UBE2E2: variants seen among roughly 807,000 people sequenced by gnomAD.
UBE2E2 encodes ubiquitin conjugating enzyme E2 E2, also known as ubiquitin-conjugating enzyme E2 E2.
UBE2E2 carries 6 observed loss-of-function variants against 24.7 expected under a neutral mutation model. The ratio of observed to expected loss-of-function variants is 0.24; its 90% CI spans 0.13 to 0.48. UBE2E2 has a LOEUF of 0.48. UBE2E2 is among the 20% of genes least tolerant of loss of function. The probability of loss-of-function intolerance (pLI) is 0.99; values close to 1 mark genes in which losing one functional copy is unlikely to be tolerated. For synonymous variants in UBE2E2, 104 were observed against 83.6 expected, an observed-to-expected ratio of 1.24 and a Z score of -1.33; for missense variants, 169 against 245.0, an observed-to-expected ratio of 0.69 and a Z score of 2.07.
At chr3:23,354,243 G>A (rs1695861699) in intron 3 of UBE2E2, among the ~76,000 whole-genome samples, 1 of 151,866 alleles carries the variant, frequency 6.6e-6, no homozygotes, top group Admixed American at 6.6e-5. Context: ...AATTCAAGAT[G>A]GATTAAAGAC....
chr3:23,259,216 C>T (rs1228930417), intron 3 of UBE2E2, among the ~76,000 whole-genome samples: 1 of 152,114 alleles, frequency 6.6e-6, no homozygotes, highest in Non-Finnish European at 1.5e-5. Context: ...TGTCTACTTC[C>T]TTGTATATGT....
At chr3:23,575,034 A>T (rs1696317572) in intron 5 of UBE2E2, among the ~76,000 whole-genome samples, 1 of 152,308 alleles carries the variant, frequency 6.6e-6, no homozygotes, top group South Asian at 2.1e-4. Flanking sequence ...CTCAGCCTGT[A>T]TTAGCACTTG....
intron 3 of UBE2E2, among the ~76,000 whole-genome samples, chr3:23,483,889 AT>A (rs1166482898): frequency 6.6e-6 from 1 of 152,166 alleles, no homozygotes; most frequent in African/African-American, 2.4e-5. Flanking sequence ...TTCAAAGAGT[AT>A]TTAAAGAAAT....
chr3:23,456,214 G>A (rs59687869), intron 3 of UBE2E2, among the ~76,000 whole-genome samples: 20,700 of 152,126 alleles, frequency 0.14, 1,622 homozygotes, highest in South Asian at 0.24. Flanking sequence ...TAGTTCTCTT[G>A]CTATTTCTAC....
intron 3 of UBE2E2, among the ~76,000 whole-genome samples, chr3:23,362,505 C>G (rs1259211271): frequency 6.6e-6 from 1 of 152,184 alleles, no homozygotes; most frequent in Non-Finnish European, 1.5e-5. Context: ...CCCTCCATCC[C>G]TGCTGGATGA....
chr3:23,523,034 G>T (rs1485663854), intron 4 of UBE2E2, among the ~76,000 whole-genome samples: 1 of 151,782 alleles, frequency 6.6e-6, no homozygotes, highest in Non-Finnish European at 1.5e-5. Flanking sequence ...CAAAATAATT[G>T]TGTAAAGATA....
At chr3:23,377,966 A>AT (rs1696564271) in intron 3 of UBE2E2, among the ~76,000 whole-genome samples, 1 of 152,120 alleles carries the variant, frequency 6.6e-6, no homozygotes, top group Non-Finnish European at 1.5e-5. Context: ...CTCTATAGGT[A>AT]ATGTTCTTAT....
chr3:23,204,821 G>T, intron 1 of UBE2E2: 1 of 894,762 alleles, frequency 1.1e-6, no homozygotes, highest in Non-Finnish European at 1.3e-6. Context: ...TTAGAAACAT[G>T]AGTAGGAAGA....
chr3:23,247,247 TA>T (rs2125342594), intron 3 of UBE2E2, among the ~76,000 whole-genome samples: 1 of 152,328 alleles, frequency 6.6e-6, no homozygotes, highest in African/African-American at 2.4e-5. Context: ...AATATTAATG[TA>T]AAACTAGGTT....
intron 3 of UBE2E2, among the ~76,000 whole-genome samples, chr3:23,423,614 T>C (rs1470451930): frequency 6.6e-6 from 1 of 152,164 alleles, no homozygotes; most frequent in African/African-American, 2.4e-5. Context: ...ACTAATGCCA[T>C]AATCTATATA....
chr3:23,315,914 A>C (rs1694563704), intron 3 of UBE2E2, among the ~76,000 whole-genome samples: 2 of 151,738 alleles, frequency 1.3e-5, no homozygotes, highest in African/African-American at 4.8e-5. Flanking sequence ...GATCTGGAGG[A>C]ATTCTCTGGA....
chr3:23,263,062 A>G (rs1408847075), intron 3 of UBE2E2, among the ~76,000 whole-genome samples: 1 of 152,178 alleles, frequency 6.6e-6, no homozygotes, highest in Non-Finnish European at 1.5e-5. Context: ...CAAGAGATGG[A>G]GAGAAGGAAC....
intron 3 of UBE2E2, among the ~76,000 whole-genome samples, chr3:23,311,781 T>C (rs1224639951): frequency 6.6e-6 from 1 of 152,204 alleles, no homozygotes; most frequent in African/African-American, 2.4e-5. Context: ...TATATATTTA[T>C]GGGATACAGG....
chr3:23,232,047 G>T (rs1024022853), intron 3 of UBE2E2, among the ~76,000 whole-genome samples: 2 of 152,150 alleles, frequency 1.3e-5, no homozygotes, highest in Non-Finnish European at 1.5e-5. Flanking sequence ...TATTACTTAG[G>T]CATGATTGAT....
intron 3 of UBE2E2, among the ~76,000 whole-genome samples, chr3:23,419,697 CA>C (rs1697747123): frequency 6.6e-6 from 1 of 152,174 alleles, no homozygotes; most frequent in African/African-American, 2.4e-5. Context: ...TCCTTTCCCT[CA>C]AAATTATGGC....
intron 5 of UBE2E2, among the ~76,000 whole-genome samples, chr3:23,581,081 T>G (rs929810184): frequency 6.6e-5 from 10 of 152,130 alleles, no homozygotes; most frequent in Non-Finnish European, 1.5e-4. Context: ...TTTTATTTAT[T>G]TATTTTTGAG....
Position 23,214,178 on chromosome 3 carries a change from T to G in UBE2E2, c.177-3084T>G, listed in dbSNP as rs137908151. Among the ~76,000 whole-genome samples the G allele has an allele frequency of 7.8e-3, 1,188 of 152,296 alleles. 8 individuals are homozygous for G. The highest frequency in any genetic ancestry group is 0.01 in the Non-Finnish European group (699 of 68,004). ...TTCATCAGTAAATTGCTTTTTGTAT[T>G]GAATAATATAGACCTAGAATTATAG... On this transcript the variant is annotated intron_variant, in intron 2 of 5. Coordinates refer to ENST00000396703, the MANE Select transcript of UBE2E2 (RefSeq NM_152653.4).
chr3:23,539,184 CT>C (rs915332508), intron 5 of UBE2E2, among the ~76,000 whole-genome samples: 1 of 152,128 alleles, frequency 6.6e-6, no homozygotes, highest in African/African-American at 2.4e-5. Flanking sequence ...GGTATTTCTG[CT>C]TTGTGTGGGC....
intron 3 of UBE2E2, among the ~76,000 whole-genome samples, chr3:23,427,054 A>G (rs1697943060): frequency 1.3e-5 from 2 of 152,116 alleles, no homozygotes; most frequent in Non-Finnish European, 2.9e-5. Context: ...TTTGAAATAT[A>G]TTTATTTGAA....
Sources: gnomAD v4.1 joint callset for allele counts (sites outside exome capture counted in the v4.1 genomes callset) on GRCh38, gnomAD v4.1.1 for gene constraint, MANE v1.5 for transcripts, NCBI Gene and HGNC (gene_info 2026-07-23, HGNC 2026-07-21) for gene names.